The following ZFYVE9 variants were observed in gnomAD, a reference collection of about 807,000 sequenced individuals.
ZFYVE9 encodes the protein zinc finger FYVE-type containing 9.
Under a neutral mutation model 126.7 loss-of-function variants are expected in ZFYVE9, and 43 were observed. The ratio of observed to expected loss-of-function variants is 0.34; its 90% CI spans 0.27 to 0.44. The LOEUF (loss-of-function observed/expected upper bound fraction) is 0.44, where lower values mean the gene tolerates loss of function less well. ZFYVE9 is among the 20% of genes least tolerant of loss of function. The pLI, the probability that ZFYVE9 is intolerant of heterozygous loss-of-function variation, is 1.00. For synonymous variants in ZFYVE9, 521 were observed against 597.4 expected (o/e 0.87, Z 1.87); for missense variants, 1,476 against 1,697.0 (o/e 0.87, Z 2.29).
rs144263092 is a variant in ZFYVE9 at position 52,161,581 on chromosome 1, G to T, written c.-143+19178G>T. On this transcript the variant is annotated intron_variant, in intron 1 of 18. Transcript: ENST00000287727. ...GCTAGGATTACCGGTGTGAGCCACT[G>T]TGCCTAGCCAAAGTTTTAAGAGATG... is the stretch of plus-strand genomic sequence containing the variant. 1.5e-3 allele frequency among the ~76,000 whole-genome samples: 229 copies of T among 152,310 alleles called. 2 individuals carry two copies. The highest frequency in any genetic ancestry group is 5.2e-3 in the African/African-American group (215 of 41,566).
intron 1 of ZFYVE9, among the ~76,000 whole-genome samples, chr1:52,144,140 T>C (rs1361429100): frequency 2.0e-5 from 3 of 151,944 alleles, no homozygotes; most frequent in Non-Finnish European, 4.4e-5. Context: ...GTCAATATGG[T>C]GAAACCCCGT....
At chr1:52,308,654 G>A (rs1646108778) in intron 13 of ZFYVE9, among the ~76,000 whole-genome samples, 1 of 151,968 alleles carries the variant, frequency 6.6e-6, no homozygotes, top group African/African-American at 2.4e-5. Flanking sequence ...CTCTTCACCT[G>A]CCTAACCCCC....
At chr1:52,253,996 G>A (rs1441886132) in intron 4 of ZFYVE9, 2 of 786,130 alleles carry the variant, frequency 2.5e-6, no homozygotes, top group Non-Finnish European at 4.6e-6. Context: ...TCCCTTAACT[G>A]ATAATCATAG....
chr1:52,211,715 A>C (rs1645030192), intron 1 of ZFYVE9, among the ~76,000 whole-genome samples: 1 of 152,228 alleles, frequency 6.6e-6, no homozygotes, highest in Admixed American at 6.5e-5. Flanking sequence ...TACTGGTCAG[A>C]TACTGAATTT....
intron 4 of ZFYVE9, chr1:52,254,242 A>G (rs989413822): frequency 3.3e-6 from 1 of 307,024 alleles, no homozygotes; most frequent in Non-Finnish European, 6.1e-6. Flanking sequence ...TTTAAATAGT[A>G]TATCAGTTAC....
At chr1:52,250,187 G>C (rs986679923) in intron 4 of ZFYVE9, among the ~76,000 whole-genome samples, 3 of 152,196 alleles carry the variant, frequency 2.0e-5, no homozygotes, top group African/African-American at 7.2e-5. Context: ...CGTTGAATCT[G>C]TAGATCACTA....
At chr1:52,192,246 T>C (rs1252068951) in intron 1 of ZFYVE9, among the ~76,000 whole-genome samples, 1 of 152,204 alleles carries the variant, frequency 6.6e-6, no homozygotes, top group African/African-American at 2.4e-5. Flanking sequence ...GCTTTTTCTG[T>C]GTAAAAGCAC....
At chr1:52,303,231 A>G (rs1384790873) in intron 12 of ZFYVE9, among the ~76,000 whole-genome samples, 1 of 152,200 alleles carries the variant, frequency 6.6e-6, no homozygotes, top group East Asian at 1.9e-4. Flanking sequence ...CCTATTCATT[A>G]CCAAGGAGTC....
chr1:52,275,171 T>C (rs952768862), intron 8 of ZFYVE9, among the ~76,000 whole-genome samples: 5 of 152,214 alleles, frequency 3.3e-5, no homozygotes, highest in African/African-American at 1.2e-4. Context: ...AATGCTGAGG[T>C]TTGGGTTATG....
chr1:52,185,179 A>C (rs1292995935), intron 1 of ZFYVE9, among the ~76,000 whole-genome samples: 1 of 152,160 alleles, frequency 6.6e-6, no homozygotes, highest in Non-Finnish European at 1.5e-5. Flanking sequence ...TTTAATACCT[A>C]CTAGTTCAGC....
intron 4 of ZFYVE9, among the ~76,000 whole-genome samples, chr1:52,251,716 G>A (rs1488837118): frequency 5.9e-5 from 9 of 152,178 alleles, no homozygotes; most frequent in Admixed American, 1.3e-4. Flanking sequence ...CACAGAAGGA[G>A]TTAGGAAGTA....
rs571221290 is a variant in ZFYVE9 at position 52,338,296 on chromosome 1, A to T, written c.3833+362A>T. 5.3e-5 allele frequency among the ~76,000 whole-genome samples: 8 copies of T among 152,328 alleles called. No individual in the cohort carries two copies. The East Asian group carries it at 1.5e-3, about 29-fold the overall frequency. The stretch of plus-strand genomic sequence containing the variant: ...ACATTTCCATTCTATAAATGAGTAA[A>T]CAAGTACCAAAAGGCTAAGTGACTT... On this transcript the variant is annotated intron_variant, in intron 16 of 18. Transcript: ENST00000287727.
intron 4 of ZFYVE9, among the ~76,000 whole-genome samples, chr1:52,260,921 C>G (rs748604762): frequency 6.6e-6 from 1 of 152,144 alleles, no homozygotes; most frequent in African/African-American, 2.4e-5. Flanking sequence ...TTCCATGCAT[C>G]CCTTAACTCT....
intron 7 of ZFYVE9, 55 bp from the exon 8 acceptor site, chr1:52,274,409 C>T: frequency 1.3e-6 from 2 of 1,487,224 alleles, no homozygotes; most frequent in Non-Finnish European, 1.8e-6. Flanking sequence ...TAATTATGTC[C>T]TGCCAAAGTC....
intron 1 of ZFYVE9, among the ~76,000 whole-genome samples, chr1:52,185,914 G>A (rs1331469584): frequency 7.7e-4 from 101 of 131,212 alleles, no homozygotes; most frequent in Non-Finnish European, 1.3e-3. Flanking sequence ...GTGAGACTCC[G>A]TCTCAAAAAA....
intron 1 of ZFYVE9, among the ~76,000 whole-genome samples, chr1:52,143,003 C>T (rs1301404120): frequency 6.6e-6 from 1 of 152,172 alleles, no homozygotes; most frequent in African/African-American, 2.4e-5. Flanking sequence ...TTGCTCATTC[C>T]TGCCTCTTTA....
chr1:52,190,811 T>C (rs978772806), intron 1 of ZFYVE9, among the ~76,000 whole-genome samples: 10 of 152,228 alleles, frequency 6.6e-5, no homozygotes, highest in Middle Eastern at 3.2e-3. Context: ...TTCTTGACTT[T>C]CCCTAGAAGA....
chr1:52,165,774 T>A (rs946012970), intron 1 of ZFYVE9, among the ~76,000 whole-genome samples: 1 of 151,172 alleles, frequency 6.6e-6, no homozygotes, highest in Non-Finnish European at 1.5e-5. Context: ...TCAATAGTGA[T>A]CAGCATAGTT....
chr1:52,309,438 C>T (rs993106002), intron 13 of ZFYVE9, among the ~76,000 whole-genome samples: 2 of 152,166 alleles, frequency 1.3e-5, no homozygotes, highest in Non-Finnish European at 2.9e-5. Context: ...GAGATTTCTC[C>T]ACTGCACTCC....
Sources: allele counts gnomAD v4.1 joint callset (sites outside exome capture counted in the v4.1 genomes callset), GRCh38; gene constraint gnomAD v4.1.1; transcripts MANE v1.5; gene names NCBI Gene and HGNC (gene_info 2026-07-23, HGNC 2026-07-21).